The following PTPN13 variants were observed in gnomAD, a reference collection of about 807,000 sequenced individuals.
PTPN13 encodes tyrosine-protein phosphatase non-receptor type 13.
A neutral mutation model predicts 284.0 loss-of-function variants in PTPN13; 191 were observed. The observed-to-expected ratio is 0.67, with a 90% CI of 0.60 to 0.76. The LOEUF is 0.76. Among genes scored for constraint, PTPN13 ranks in the 30% least tolerant of loss-of-function variants. The probability of loss-of-function intolerance (pLI) is 0.00; values close to 1 mark genes in which losing one functional copy is unlikely to be tolerated. For synonymous variants in PTPN13, 986 were observed against 1,022.3 expected, an observed-to-expected ratio of 0.96 and a Z score of 0.68; for missense variants, 2,797 against 2,939.9, an observed-to-expected ratio of 0.95 and a Z score of 1.12.
chr4:86,788,788 G>C (rs1404231248), intron 40 of PTPN13, among the ~76,000 whole-genome samples: 2 of 152,150 alleles, frequency 1.3e-5, no homozygotes. Flanking sequence ...TCCTAAATTT[G>C]CTTGTCCAGT....
At chr4:86,781,808 T>C (rs10084953) in intron 36 of PTPN13, among the ~76,000 whole-genome samples, 15,101 of 151,846 alleles carry the variant, frequency 0.099, 867 homozygotes, top group Non-Finnish European at 0.11. Context: ...ACTAAAAATA[T>C]GAAAATTAGC....
chr4:86,652,480 G>C (rs575329669), intron 2 of PTPN13, among the ~76,000 whole-genome samples: 2 of 152,118 alleles, frequency 1.3e-5, no homozygotes, highest in East Asian at 3.9e-4. Flanking sequence ...TGTTTGTCTG[G>C]GGAAGTCTTT....
At chr4:86,668,388 C>T (rs1468554371) in intron 2 of PTPN13, among the ~76,000 whole-genome samples, 1 of 152,134 alleles carries the variant, frequency 6.6e-6, no homozygotes, top group Non-Finnish European at 1.5e-5. Context: ...CCCTCACTTG[C>T]AGGTTTGCAT....
intron 45 of PTPN13, among the ~76,000 whole-genome samples, 163 bp from the exon 46 acceptor site, chr4:86,809,606 G>C (rs1447157919): frequency 6.6e-6 from 1 of 152,106 alleles, no homozygotes; most frequent in African/African-American, 2.4e-5. Context: ...CAGGAGAATC[G>C]CTTGAACCTG....
intron 30 of PTPN13, among the ~76,000 whole-genome samples, chr4:86,770,766 G>A (rs559377852): frequency 5.9e-5 from 9 of 151,960 alleles, no homozygotes; most frequent in Non-Finnish European, 1.2e-4. Flanking sequence ...TACATACAAA[G>A]AAGTTCTTCT....
intron 20 of PTPN13, among the ~76,000 whole-genome samples, chr4:86,753,606 T>C (rs945523345): frequency 6.6e-6 from 1 of 152,088 alleles, no homozygotes; most frequent in Admixed American, 6.6e-5. Context: ...AGACTTTAAA[T>C]GCTGAGATTA....
chr4:86,758,101 TA>T (rs1214475262), intron 20 of PTPN13, among the ~76,000 whole-genome samples, 158 bp from the exon 21 acceptor site: 1 of 152,180 alleles, frequency 6.6e-6, no homozygotes, highest in African/African-American at 2.4e-5. Flanking sequence ...TAAATCACTA[TA>T]AAAATATAAA....
rs1745604319 is a variant in PTPN13, at chr4:86,814,620, C to G, written c.*69C>G. The G allele has an allele frequency of 5.3e-5, 68 of 1,271,404 alleles. 1 individual carries two copies. The South Asian group carries it at 8.8e-4, about 16-fold the overall frequency. The allele number at this position is 1,271,404 out of a possible 1,614,324, so 78.8% of individuals were successfully genotyped here. A position where few individuals can be genotyped will look rare whatever the true frequency, so the allele number is the denominator to read the frequency against. On this transcript the variant is annotated 3_prime_UTR_variant, in exon 48 of 48. Transcript: ENST00000411767. Reference sequence around the variant, plus strand: ...CTCCAGCAGACTCCTGCTCTCTATCCAAAATAAAGATCACAGAGCAGCAAG... The same window carrying G: ...CTCCAGCAGACTCCTGCTCTCTATCGAAAATAAAGATCACAGAGCAGCAAG...
chr4:86,758,400 G>GA, intron 21 of PTPN13, 51 bp downstream of exon 21: 1 of 1,441,166 alleles, frequency 6.9e-7, no homozygotes, highest in South Asian at 1.2e-5. Flanking sequence ...GGATTCAGAG[G>GA]AAAAGTCTAT....
chr4:86,607,093 TTGTA>T (rs1764829332), intron 1 of PTPN13, among the ~76,000 whole-genome samples: 1 of 151,850 alleles, frequency 6.6e-6, no homozygotes, highest in East Asian at 1.9e-4. Flanking sequence ...AAAATTATAA[TTGTA>T]TGTGCTATAA....
In PTPN13 at chr4:86,701,648, A is replaced by G; in HGVS notation, c.1042A>G (p.Ser348Gly). The G allele has an allele frequency of 6.2e-7, 1 of 1,613,946 alleles. No homozygotes were observed. The highest frequency in any genetic ancestry group is 8.5e-7 in the Non-Finnish European group (1 of 1,179,860). ...AAAGGAGGCAAGATACTCAGATGGA[A>G]GTATAGCCTTGGATATCTTTGGCCC... ...RKKEARYSDG[S>G]IALDIFGPQK... Residue 348 changes from serine (S) to glycine (G), a missense_variant, in exon 7 of 48, where the codon AGT (serine) becomes GGT (glycine). By Grantham distance (56) the Ser-to-Gly change is moderately conservative (BLOSUM62 0). Transcript: ENST00000411767.
chr4:86,652,232 A>G (rs552237028), intron 2 of PTPN13, among the ~76,000 whole-genome samples: 15 of 152,046 alleles, frequency 9.9e-5, no homozygotes, highest in Non-Finnish European at 2.9e-5. Context: ...TTTCTCTTTA[A>G]AAGTTATTTT....
rs548550310 is a variant in PTPN13 at position 86,702,133 on chromosome 4, G to A, written c.1195+332G>A. ...TTTTGCTTAAATTCTCCACCATACC[G>A]TCTACCATGCACTATCTCATGGGAG... On this transcript the variant is annotated intron_variant, in intron 7 of 47. Transcript: ENST00000411767. 8.5e-5 allele frequency among the ~76,000 whole-genome samples: 13 copies of A among 152,244 alleles called. No individual in the cohort carries two copies. In the South Asian group the frequency reaches 2.3e-3, roughly 27 times the overall value.
At chr4:86,626,150 A>T (rs1721809270) in intron 1 of PTPN13, among the ~76,000 whole-genome samples, 1 of 152,138 alleles carries the variant, frequency 6.6e-6, no homozygotes, top group Admixed American at 6.6e-5. Context: ...AGTTTAAATG[A>T]TGCAGAGAGG....
At chr4:86,665,396 T>G (rs1248197066) in intron 2 of PTPN13, among the ~76,000 whole-genome samples, 2 of 152,228 alleles carry the variant, frequency 1.3e-5, no homozygotes, top group East Asian at 1.9e-4. Flanking sequence ...AACTATATGC[T>G]GATACTGTAC....
intron 2 of PTPN13, among the ~76,000 whole-genome samples, chr4:86,659,144 A>G (rs1021101): frequency 0.18 from 26,925 of 152,066 alleles, 2,587 homozygotes; most frequent in East Asian, 0.29. Context: ...ATCATATATA[A>G]TTTAATGTTC....
intron 2 of PTPN13, among the ~76,000 whole-genome samples, chr4:86,654,940 A>G (rs572353545): frequency 2.0e-5 from 3 of 152,280 alleles, no homozygotes; most frequent in African/African-American, 7.2e-5. Context: ...TTGGGTGCAT[A>G]TATATTTAGG....
intron 17 of PTPN13, among the ~76,000 whole-genome samples, chr4:86,749,110 A>T (rs1737109674): frequency 2.0e-5 from 3 of 152,218 alleles, no homozygotes; most frequent in Admixed American, 6.5e-5. Context: ...CTGATGCATG[A>T]ATATTAAAAA....
chr4:86,750,940 A>G, intron 18 of PTPN13, 53 bp downstream of exon 18: 1 of 1,577,272 alleles, frequency 6.3e-7, no homozygotes, highest in Non-Finnish European at 8.6e-7. Flanking sequence ...TACATTTCAT[A>G]CGTTTCTTTT....
Sources: allele counts gnomAD v4.1 joint callset (sites outside exome capture counted in the v4.1 genomes callset), GRCh38; gene constraint gnomAD v4.1.1; transcripts MANE v1.5; gene names NCBI Gene and HGNC (gene_info 2026-07-23, HGNC 2026-07-21).